ZNF518A: variants seen among roughly 807,000 people sequenced by gnomAD.
The protein encoded by ZNF518A is zinc finger protein 518A.
ZNF518A carries 47 observed loss-of-function variants against 102.7 expected under a neutral mutation model. The ratio of observed to expected loss-of-function variants is 0.46; its 90% CI spans 0.36 to 0.58. ZNF518A has a LOEUF of 0.58. ZNF518A is among the 20% of genes least tolerant of loss of function. The pLI is 0.00. For missense variants in ZNF518A, 1,793 were observed against 1,699.8 expected, an observed-to-expected ratio of 1.05 and a Z score of -0.96; for synonymous variants, 652 against 594.6, an observed-to-expected ratio of 1.10 and a Z score of -1.40.
downstream of ZNF518A, chr10:96,204,976 C>A (rs59385217): frequency 0.31 from 100,505 of 329,052 alleles, 16,847 homozygotes; most frequent in Non-Finnish European, 0.35. Flanking sequence ...CCTCTACTTG[C>A]CATGTGGCCT....
At chr10:96,145,462 AAATT>A (rs1337958694) in intron 3 of ZNF518A, among the ~76,000 whole-genome samples, 4 of 152,232 alleles carry the variant, frequency 2.6e-5, no homozygotes, top group African/African-American at 9.6e-5. Context: ...CATTCCTCAC[AAATT>A]AATTGTTAAA....
intron 3 of ZNF518A, among the ~76,000 whole-genome samples, chr10:96,136,204 AT>A (rs2081589186): frequency 6.6e-6 from 1 of 151,976 alleles, no homozygotes; most frequent in African/African-American, 2.4e-5. Flanking sequence ...ATATAATTTC[AT>A]TTTTGTATGC....
chr10:96,197,909 A>G (rs1399234465), intron 1 of ZNF518A, among the ~76,000 whole-genome samples: 2 of 133,750 alleles, frequency 1.5e-5, no homozygotes, highest in Non-Finnish European at 3.4e-5. Context: ...GAGCGAGACA[A>G]CATCAAAAAA....
chr10:96,144,045 G>A (rs1434180130), intron 3 of ZNF518A, among the ~76,000 whole-genome samples: 1 of 152,166 alleles, frequency 6.6e-6, no homozygotes, highest in Non-Finnish European at 1.5e-5. Flanking sequence ...GAGTGCAGTA[G>A]CATGATCACG....
intron 3 of ZNF518A, among the ~76,000 whole-genome samples, chr10:96,140,234 G>A (rs1369291489): frequency 6.6e-6 from 1 of 152,158 alleles, no homozygotes; most frequent in Admixed American, 6.5e-5. Flanking sequence ...GAGGAATCAA[G>A]GATGAGTCTT....
chr10:96,170,144 C>G (rs1554890750), intron 1 of ZNF518A, among the ~76,000 whole-genome samples: 1 of 152,190 alleles, frequency 6.6e-6, no homozygotes, highest in Non-Finnish European at 1.5e-5. Flanking sequence ...GTGTGACCTT[C>G]TAGATTCTCA....
Position 96,130,772 on chromosome 10 carries a change from C to T in ZNF518A, c.-453+20C>T, listed in dbSNP as rs1003611021. 7 of 152,388 alleles carry T rather than the reference C, an allele frequency of 4.6e-5. No individual in the cohort carries two copies. Among genetic ancestry groups the T allele is most frequent in the Admixed American group, 3.3e-4 (5 of 15,292 alleles). 9.4% of individuals were successfully genotyped at this position (152,388 alleles called of 1,614,324 possible). ...CCAAAGGTGCTCTTCCCCGCAGACCCTAACCACACCCAGTGGCAGTTGGAT... is the reference window on the plus strand; with the variant it reads ...CCAAAGGTGCTCTTCCCCGCAGACCTTAACCACACCCAGTGGCAGTTGGAT... On this transcript the variant is annotated intron_variant, in intron 1 of 5. Coordinates refer to ENST00000316045, the MANE Select transcript of ZNF518A (RefSeq NM_001330736.2).
chr10:96,175,937 T>TCC lies in ZNF518A; in HGVS notation n.35+19890_35+19891insCC, dbSNP rs1554891429. Among the ~76,000 whole-genome samples, 17 of 138,594 alleles carry TCC rather than the reference T, an allele frequency of 1.2e-4. 2 individuals are homozygous for TCC. The East Asian group carries it at 3.2e-3, about 26-fold the overall frequency. The allele number at this position is 138,594 out of a possible 152,430, so 90.9% of individuals were successfully genotyped here. A position where few individuals can be genotyped will look rare whatever the true frequency, so the allele number is the denominator to read the frequency against. The stretch of plus-strand genomic sequence containing the variant: ...TTCCTTCCTTCCTTCCTTCCTTCCT[T>TCC]TCTTTCCTCCTTCCTTTCTTTTGTT... On this transcript the variant is annotated intron_variant and non_coding_transcript_variant, in intron 1 of 2. Transcript: ENST00000442635.
At chr10:96,139,673 A>G (rs2081813574) in intron 3 of ZNF518A, among the ~76,000 whole-genome samples, 1 of 152,144 alleles carries the variant, frequency 6.6e-6, no homozygotes, top group African/African-American at 2.4e-5. Flanking sequence ...GATATGTTTT[A>G]TTTTAAGAAG....
At chr10:96,130,031 G>GT (rs1564732561), upstream of ZNF518A, 1 of 152,748 alleles carries the variant, frequency 6.5e-6, no homozygotes, top group Non-Finnish European at 1.5e-5. Context: ...TGCGCTCCCG[G>GT]TAGCGCTGCG....
chr10:96,204,647 A>G, downstream of ZNF518A: 1 of 1,606,692 alleles, frequency 6.2e-7, no homozygotes, highest in African/African-American at 1.3e-5. Context: ...TATTAGGATT[A>G]GAGTGAAATG....
In ZNF518A at chr10:96,156,750, A is replaced by G. The variant is rs1262083401; in HGVS notation, c.428A>G (p.His143Arg). The G allele has an allele frequency of 3.1e-6, 5 of 1,613,830 alleles. No homozygotes were observed. Among genetic ancestry groups the G allele is most frequent in the Non-Finnish European group, 4.2e-6 (5 of 1,179,828 alleles). Residue 143 changes from histidine (H) to arginine (R), a missense_variant, in exon 6 of 6, where the codon CAC becomes CGC. Physicochemically the swap from His to Arg is conservative, Grantham distance 29 (BLOSUM62 0). Around this residue, in one of 3 missense-constraint regions of ZNF518A, gnomAD observed 1,741 missense variants for 1,622.6 expected, o/e 1.07. Transcript: ENST00000316045. ...TTGCAGAAACACTTTCAAATGTGGC[A>G]CCATGGCGAATTACCTTCATATCCT... Reference protein sequence around the residue: ...NDLQKHFQMWHHGELPSYPCE... With the variant: ...NDLQKHFQMWRHGELPSYPCE...
downstream of ZNF518A, among the ~76,000 whole-genome samples, chr10:96,166,084 TAAAG>T (rs1407205778): frequency 2.6e-5 from 4 of 152,044 alleles, no homozygotes; most frequent in African/African-American, 7.2e-5. Context: ...GGCATGAAAA[TAAAG>T]CTGTCTCAGC....
chr10:96,196,187 C>T (rs2083460427), intron 1 of ZNF518A, among the ~76,000 whole-genome samples: 1 of 152,154 alleles, frequency 6.6e-6, no homozygotes, highest in South Asian at 2.1e-4. Context: ...TCCCATTTTT[C>T]TCCTTCTCCA....
Position 96,155,054 on chromosome 10 carries a change from C to CATAT in ZNF518A, c.-301-260_-301-257dup, listed in dbSNP as rs150259641. Among the ~76,000 whole-genome samples the CATAT allele has an allele frequency of 1.3e-4, 20 of 150,246 alleles. No individual in the cohort carries two copies. In the South Asian group the frequency reaches 1.9e-3, roughly 14 times the overall value. On this transcript the variant is annotated intron_variant, in intron 3 of 5. Transcript: ENST00000316045. Reference sequence around the variant, plus strand: ...GCTTATCTGATTTTGTCTATTCATACATATATATATATATAAAGCACAAAA... The same window carrying CATAT: ...GCTTATCTGATTTTGTCTATTCATACATATATATATATATATATAAAGCACAAAA...
intron 3 of ZNF518A, among the ~76,000 whole-genome samples, chr10:96,147,308 A>G (rs929757999): frequency 2.0e-5 from 3 of 152,168 alleles, no homozygotes; most frequent in Non-Finnish European, 4.4e-5. Flanking sequence ...TTTTGATGTC[A>G]AAGATGTCTT....
Position 96,163,295 on chromosome 10 carries a change from A to G in ZNF518A, c.*2521A>G, listed in dbSNP as rs782813372. 7 of 162,288 alleles carry G rather than the reference A, an allele frequency of 4.3e-5. No individual in the cohort carries two copies. In the South Asian group the frequency reaches 9.0e-4, roughly 21 times the overall value. The allele number at this position is 162,288 out of a possible 1,614,324, so 10.1% of individuals were successfully genotyped here. A position where few individuals can be genotyped will look rare whatever the true frequency, so the allele number is the denominator to read the frequency against. On this transcript the variant is annotated 3_prime_UTR_variant, in exon 6 of 6. Coordinates refer to ENST00000316045, the MANE Select transcript of ZNF518A (RefSeq NM_001330736.2). ...CATTATTGCCATTGCAGAAAATCCA[A>G]AACAAAAGCCTGTATCCTTTATTTT...
intron 3 of ZNF518A, among the ~76,000 whole-genome samples, chr10:96,137,246 TC>T (rs34673323): frequency 0.37 from 56,489 of 152,196 alleles, 11,877 homozygotes; most frequent in Middle Eastern, 0.55. Flanking sequence ...TGCATTTCTT[TC>T]CTATCCTTTA....
rs188509439 is a variant in ZNF518A at position 96,162,749 on chromosome 10, T to C, written c.*1975T>C. On this transcript the variant is annotated 3_prime_UTR_variant, in exon 6 of 6. Coordinates refer to ENST00000316045, the MANE Select transcript of ZNF518A (RefSeq NM_001330736.2). ...GTTTGTGTTTACACAATAATTTTTTTACTGTGCTAAAATCTGATGGAAATT... is the reference window on the plus strand; with the variant it reads ...GTTTGTGTTTACACAATAATTTTTTCACTGTGCTAAAATCTGATGGAAATT... 2.4e-5 allele frequency: 4 copies of C among 166,396 alleles called. No homozygotes were observed. In the Admixed American group the frequency reaches 2.6e-4, roughly 11 times the overall value. The allele number at this position is 166,396 out of a possible 1,614,324, so 10.3% of individuals were successfully genotyped here.
Sources: allele counts gnomAD v4.1 joint callset (sites outside exome capture counted in the v4.1 genomes callset), GRCh38; gene constraint gnomAD v4.1.1; regional missense constraint gnomAD v4.1.1; transcripts MANE v1.5; gene names NCBI Gene and HGNC (gene_info 2026-07-23, HGNC 2026-07-21).